OTOG: variants seen among roughly 807,000 people sequenced by gnomAD.
OTOG encodes the protein otogelin.
OTOG carries 296 observed loss-of-function variants against 313.8 expected under a neutral mutation model. The observed-to-expected ratio is 0.94, with a 90% CI of 0.86 to 1.04. The LOEUF (loss-of-function observed/expected upper bound fraction) is 1.04, where lower values mean the gene tolerates loss of function less well. OTOG is among the 50% of genes least tolerant of loss of function. The pLI is 0.00. For missense variants in OTOG, 3,948 were observed against 3,840.1 expected (o/e 1.03, Z -0.74); for synonymous variants, 1,533 against 1,554.9 (o/e 0.99, Z 0.33).
intron 23 of OTOG, among the ~76,000 whole-genome samples, chr11:17,583,841 CA>C (rs543109433): frequency 4.0e-5 from 6 of 149,566 alleles, no homozygotes; most frequent in African/African-American, 9.8e-5. Flanking sequence ...CAATTTCTAC[CA>C]AAAAAAAAGC....
At chr11:17,557,864 A>G (rs926738652) in intron 8 of OTOG, among the ~76,000 whole-genome samples, 1 of 152,122 alleles carries the variant, frequency 6.6e-6, no homozygotes, top group African/African-American at 2.4e-5. Flanking sequence ...AAATATGGGG[A>G]AACTGAGGCT....
chr11:17,611,540 C>A, intron 36 of OTOG, 117 bp downstream of exon 36: 1 of 1,144,630 alleles, frequency 8.7e-7, no homozygotes, highest in Non-Finnish European at 1.2e-6. Context: ...TGCTCCTGGT[C>A]CCTGAAAAAT....
In OTOG at chr11:17,645,548, C is replaced by T. The variant is rs1482966555; in HGVS notation, c.8462-16C>T. ...CTGGTCTTGGCCACAGCTGCCTCATCCCCCTGTCCCCCCAGGTAAGGAGGA... is the reference window on the plus strand; with the variant it reads ...CTGGTCTTGGCCACAGCTGCCTCATTCCCCTGTCCCCCCAGGTAAGGAGGA... On this transcript the variant is annotated splice_polypyrimidine_tract_variant and intron_variant, in intron 54 of 55. Transcript: ENST00000399397. 6.5e-7 allele frequency: 1 copy of T among 1,549,512 alleles called. No individual in the cohort carries two copies. Among genetic ancestry groups the T allele is most frequent in the Non-Finnish European group, 8.7e-7 (1 of 1,146,394 alleles).
In OTOG at chr11:17,642,234, T is replaced by A; in HGVS notation, c.8403T>A (p.Thr2801=). The change falls in exon 53 of 56, where the codon ACT becomes ACA. Residue 2801 remains threonine (T), a synonymous_variant. Transcript: ENST00000399397. ...TAAGCTGCCCACCGCTCAATGAGAC[T>A]GAGTGTGCCAAGGTCAGTGCCTCCT... The part of the protein sequence containing the change: ...SPISCPPLNE[T]ECAKVGGSVV... The A allele has an allele frequency of 6.5e-7, 1 of 1,549,554 alleles. No individual in the cohort carries two copies. Among genetic ancestry groups the A allele is most frequent in the Admixed American group, 2.0e-5 (1 of 50,942 alleles).
chr11:17,634,599 C>T (rs554292013), intron 44 of OTOG, among the ~76,000 whole-genome samples: 1 of 152,248 alleles, frequency 6.6e-6, no homozygotes, highest in South Asian at 2.1e-4. Context: ...TCGATCGGGC[C>T]CATCTTTGGG....
At chr11:17,601,172 G>A (rs1184132630) in intron 31 of OTOG, among the ~76,000 whole-genome samples, 1 of 152,204 alleles carries the variant, frequency 6.6e-6, no homozygotes, top group Non-Finnish European at 1.5e-5. Context: ...GGGGGTGACA[G>A]ATGTGGGCCT....
intron 39 of OTOG, among the ~76,000 whole-genome samples, chr11:17,623,924 T>C (rs1398504685): frequency 2.6e-5 from 4 of 152,248 alleles, no homozygotes; most frequent in Non-Finnish European, 5.9e-5. Context: ...TTCATATGCT[T>C]ATTGGCTGAA....
chr11:17,635,590 T>C lies in OTOG; in HGVS notation c.7694-20T>C, dbSNP rs1854245301. ...CTATGAGAGGACTGCTGTGACAGCATTGACCCTCTTCCCCCTCAGCCTGTG... is the reference window on the plus strand; with the variant it reads ...CTATGAGAGGACTGCTGTGACAGCACTGACCCTCTTCCCCCTCAGCCTGTG... On this transcript the variant is annotated intron_variant, in intron 46 of 55. Transcript: ENST00000399397. 6.5e-7 allele frequency: 1 copy of C among 1,539,550 alleles called. No homozygotes were observed. Among genetic ancestry groups the C allele is most frequent in the Non-Finnish European group, 8.8e-7 (1 of 1,137,146 alleles).
At chr11:17,638,576 C>T in intron 48 of OTOG, 27 bp downstream of exon 48, 2 of 1,542,904 alleles carry the variant, frequency 1.3e-6, no homozygotes, top group East Asian at 2.4e-5. Flanking sequence ...GACAGCCTCC[C>T]CGCTGGGAGA....
rs996301271 is a variant in OTOG, at chr11:17,598,005, GGTT to G, written c.3682+1004_3682+1006del. Among the ~76,000 whole-genome samples, 21 of 152,334 alleles carry G rather than the reference GGTT, an allele frequency of 1.4e-4. No individual in the cohort carries two copies. The South Asian group carries it at 1.5e-3, about 11-fold the overall frequency. On this transcript the variant is annotated intron_variant, in intron 30 of 55. Coordinates refer to ENST00000399397, the MANE Select transcript of OTOG (RefSeq NM_001292063.2). ...GCACAGTGCCCTGTGCTAATGTGGG[GGTT>G]GTTGTCATTTTTTCATGGACACCCG...
At chr11:17,596,781 A>G in intron 29 of OTOG, 70 bp from the exon 30 acceptor site, 4 of 1,392,798 alleles carry the variant, frequency 2.9e-6, no homozygotes, top group Non-Finnish European at 3.9e-6. Context: ...GCTGGTCGTC[A>G]TCAGCTGAAA....
chr11:17,553,428 C>T lies in OTOG; in HGVS notation c.449C>T (p.Thr150Ile). 1.4e-6 allele frequency: 2 copies of T among 1,475,620 alleles called. No homozygotes were observed. Among genetic ancestry groups the T allele is most frequent in the Non-Finnish European group, 1.8e-6 (2 of 1,110,990 alleles). 91.4% of individuals were successfully genotyped at this position (1,475,620 alleles called of 1,614,324 possible). A position where few individuals can be genotyped will look rare whatever the true frequency, so the allele number is the denominator to read the frequency against. Residue 150 changes from threonine to isoleucine, a missense_variant, in exon 6 of 56, where the codon ACA becomes ATA. Transcript: ENST00000399397. ...GCGTGGGGGCAGCACCACGTGGAGACATTTGATGGGCTCTACTACTACCTC... is the reference window on the plus strand; with the variant it reads ...GCGTGGGGGCAGCACCACGTGGAGATATTTGATGGGCTCTACTACTACCTC... ...CRAWGQHHVETFDGLYYYLSG... is the reference protein window; with the variant it reads ...CRAWGQHHVEIFDGLYYYLSG...
chr11:17,576,947 G>T lies in OTOG; in HGVS notation c.2605+36G>T, dbSNP rs1194102326. ...GTGGAGGGGTGGAGCCCTTCTGGGG[G>T]CTCCACATGGTAAAGGAGAGTGGGG... On this transcript the variant is annotated intron_variant, in intron 22 of 55. Transcript: ENST00000399397. 6 of 1,542,430 alleles carry T rather than the reference G, an allele frequency of 3.9e-6. No individual in the cohort carries two copies. The African/African-American group carries it at 4.1e-5, about 11-fold the overall frequency.
Position 17,569,210 on chromosome 11 carries a change from C to A in OTOG, c.1699C>A (p.Arg567=), listed in dbSNP as rs1283855279. 1.3e-6 allele frequency: 2 copies of A among 1,550,482 alleles called. No individual in the cohort carries two copies. The highest frequency in any genetic ancestry group is 1.4e-5 in the African/African-American group (1 of 73,030). Reference sequence around the variant, plus strand: ...GTCAGTGATTCTGCACCAGGACCCTCGGAGGCAGGTGACCCTGACCCAGGC... The same window carrying A: ...GTCAGTGATTCTGCACCAGGACCCTAGGAGGCAGGTGACCCTGACCCAGGC... The part of the protein sequence containing the change: ...SVSVILHQDP[R]RQVTLTQAGD... Residue 567 remains arginine (R), a synonymous_variant, in exon 16 of 56, where the codon CGG becomes AGG. Transcript: ENST00000399397.
In OTOG at chr11:17,634,886, G is replaced by T. The variant is rs566528494; in HGVS notation, c.7523G>T (p.Arg2508Leu). 143 of 1,428,560 alleles carry T rather than the reference G, an allele frequency of 1.0e-4. No homozygotes were observed. Among genetic ancestry groups the T allele is most frequent in the Admixed American group, 4.3e-4 (20 of 46,944 alleles). 88.5% of individuals were successfully genotyped at this position (1,428,560 alleles called of 1,614,324 possible). A position where few individuals can be genotyped will look rare whatever the true frequency, so the allele number is the denominator to read the frequency against. ...TGTGAGGGTCTCGCCCCCACATGCC[G>T]CCCAGGCCACCGCCTCCTCACCCAC... ...TLCEGLAPTC[R>L]PGHRLLTHFQ... Residue 2508 changes from arginine (R) to leucine (L), a missense_variant, in exon 45 of 56, where the codon CGC becomes CTC. By Grantham distance (102) the Arg-to-Leu change is moderately radical. Coordinates refer to ENST00000399397, the MANE Select transcript of OTOG (RefSeq NM_001292063.2).
At chr11:17,552,618 C>T (rs1335330881) in intron 4 of OTOG, among the ~76,000 whole-genome samples, 1 of 37,654 alleles carries the variant, frequency 2.7e-5, no homozygotes, top group African/African-American at 2.8e-4. Context: ...CCTGTCCTCT[C>T]ACATCATGGC....
intron 20 of OTOG, among the ~76,000 whole-genome samples, chr11:17,576,141 CA>C: frequency 6.6e-6 from 1 of 152,360 alleles, no homozygotes; most frequent in South Asian, 2.1e-4. Context: ...AGGCACTGAG[CA>C]ATTGGAATAG....
intron 25 of OTOG, 146 bp from the exon 26 acceptor site, chr11:17,593,047 A>T: frequency 1.3e-6 from 1 of 783,976 alleles, no homozygotes; most frequent in South Asian, 2.1e-5. Flanking sequence ...CAGAGAACAG[A>T]AGTCGCCCAA....
chr11:17,639,309 G>C, intron 48 of OTOG, 114 bp from the exon 49 acceptor site: 1 of 1,129,526 alleles, frequency 8.9e-7, no homozygotes. Context: ...GGCCTGGCCT[G>C]GAGCTGGGTC....
Sources: allele counts gnomAD v4.1 joint callset (sites outside exome capture counted in the v4.1 genomes callset), GRCh38; gene constraint gnomAD v4.1.1; transcripts MANE v1.5; gene names NCBI Gene and HGNC (gene_info 2026-07-23, HGNC 2026-07-21).